Variants in NAALADL2 observed in about 807,000 individuals in gnomAD.
NAALADL2 encodes the protein N-acetylated alpha-linked acidic dipeptidase like 2.
Under a neutral mutation model 87.2 loss-of-function variants are expected in NAALADL2, and 76 were observed. The ratio of observed to expected loss-of-function variants is 0.87; its 90% CI spans 0.72 to 1.05. The LOEUF is 1.05. NAALADL2 is among the 50% of genes least tolerant of loss of function. The pLI is 0.00. For missense variants in NAALADL2, 1,089 were observed against 945.8 expected, an observed-to-expected ratio of 1.15 and a Z score of -1.99; for synonymous variants, 354 against 331.0, an observed-to-expected ratio of 1.07 and a Z score of -0.75.
intron 1 of NAALADL2, among the ~76,000 whole-genome samples, chr3:175,048,686 A>C (rs575111321): frequency 3.9e-5 from 6 of 152,270 alleles, no homozygotes; most frequent in African/African-American, 1.2e-4. Context: ...AATATCTTAA[A>C]ATATATTTAC....
chr3:175,690,255 G>C (rs1254026107), intron 11 of NAALADL2, among the ~76,000 whole-genome samples: 1 of 152,014 alleles, frequency 6.6e-6, no homozygotes, highest in East Asian at 1.9e-4. Context: ...GGACTAGTGT[G>C]CCTTTAGAGA....
chr3:175,512,588 C>T (rs757060955), intron 9 of NAALADL2, among the ~76,000 whole-genome samples: 12 of 152,056 alleles, frequency 7.9e-5, no homozygotes, highest in South Asian at 4.2e-4. Flanking sequence ...TGCTTTTCCA[C>T]GATTATTTTT....
At chr3:175,735,537 A>G (rs1356841729) in intron 11 of NAALADL2, among the ~76,000 whole-genome samples, 1 of 152,228 alleles carries the variant, frequency 6.6e-6, no homozygotes, top group African/African-American at 2.4e-5. Context: ...ACAGTTTCAC[A>G]TGGCTGGGGA....
intron 5 of NAALADL2, among the ~76,000 whole-genome samples, chr3:175,334,283 T>G (rs1444493125): frequency 6.6e-6 from 1 of 152,020 alleles, no homozygotes; most frequent in South Asian, 2.1e-4. Flanking sequence ...GACAGACAGA[T>G]AGTAGAGGTA....
intron 9 of NAALADL2, among the ~76,000 whole-genome samples, chr3:175,553,721 G>T (rs1258848028): frequency 2.0e-5 from 3 of 149,936 alleles, no homozygotes; most frequent in Non-Finnish European, 3.0e-5. Flanking sequence ...CACCAAATTA[G>T]GTATTTTATA....
At chr3:174,825,292 C>T (rs1227600735) in intron 3 of NAALADL2, among the ~76,000 whole-genome samples, 1 of 150,418 alleles carries the variant, frequency 6.6e-6, no homozygotes, top group Non-Finnish European at 1.5e-5. Flanking sequence ...AATTCCCAGT[C>T]CAAGGCCTAA....
At chr3:175,370,391 A>G (rs1399362106) in intron 5 of NAALADL2, among the ~76,000 whole-genome samples, 1 of 152,194 alleles carries the variant, frequency 6.6e-6, no homozygotes, top group Non-Finnish European at 1.5e-5. Flanking sequence ...TGTGAACCAT[A>G]AAACCCCATA....
Position 175,592,321 on chromosome 3 carries a change from T to C in NAALADL2, c.1800+16134T>C, listed in dbSNP as rs1036835863. ...CTTTTTCTTTTCTTTTTTTTTTTTT[T>C]TTTGTCAGCTACTCTATTGCTGAGT... On this transcript the variant is annotated intron_variant, in intron 10 of 13. Transcript: ENST00000454872. Among the ~76,000 whole-genome samples the C allele has an allele frequency of 4.4e-4, 62 of 141,200 alleles. 1 individual carries two copies. In the East Asian group the frequency reaches 0.011, roughly 24 times the overall value. The allele number at this position is 141,200 out of a possible 152,430, so 92.6% of individuals were successfully genotyped here. A position where few individuals can be genotyped will look rare whatever the true frequency, so the allele number is the denominator to read the frequency against.
At chr3:174,673,730 T>A (rs1291587679) in intron 2 of NAALADL2, among the ~76,000 whole-genome samples, 3 of 152,016 alleles carry the variant, frequency 2.0e-5, no homozygotes, top group Non-Finnish European at 2.9e-5. Flanking sequence ...AGTTACAGCA[T>A]TGGCTAGCAC....
intron 1 of NAALADL2, among the ~76,000 whole-genome samples, chr3:174,441,513 G>C (rs959565142): frequency 6.6e-6 from 1 of 152,084 alleles, no homozygotes; most frequent in Non-Finnish European, 1.5e-5. Context: ...GAAATGGCGC[G>C]CAGCACAGTT....
intron 10 of NAALADL2, among the ~76,000 whole-genome samples, chr3:175,611,073 C>T (rs1419414174): frequency 6.6e-6 from 1 of 151,944 alleles, no homozygotes; most frequent in Non-Finnish European, 1.5e-5. Context: ...AGAATTTAAA[C>T]CCAGGCCCCA....
At chr3:175,354,702 C>G (rs1248065100) in intron 5 of NAALADL2, among the ~76,000 whole-genome samples, 2 of 151,674 alleles carry the variant, frequency 1.3e-5, no homozygotes, top group Non-Finnish European at 2.9e-5. Flanking sequence ...GAGTGCAGTG[C>G]CGATTCACAG....
chr3:174,945,483 A>T (rs1739274625), intron 1 of NAALADL2, among the ~76,000 whole-genome samples: 1 of 152,294 alleles, frequency 6.6e-6, no homozygotes, highest in South Asian at 2.1e-4. Context: ...CAGCAAAATG[A>T]GTTATAGCAC....
chr3:175,211,463 A>G (rs1741752732), intron 2 of NAALADL2, among the ~76,000 whole-genome samples: 1 of 151,960 alleles, frequency 6.6e-6, no homozygotes, highest in Non-Finnish European at 1.5e-5. Context: ...TAGAGAAAAT[A>G]TATTTGTCTT....
At chr3:174,777,772 A>C (rs1715397210) in intron 3 of NAALADL2, among the ~76,000 whole-genome samples, 1 of 152,132 alleles carries the variant, frequency 6.6e-6, no homozygotes. Flanking sequence ...CAAGGAGCTT[A>C]GTTCATCTAC....
At chr3:174,878,768 G>A (rs1268697238) in intron 1 of NAALADL2, among the ~76,000 whole-genome samples, 1 of 151,830 alleles carries the variant, frequency 6.6e-6, no homozygotes, top group Non-Finnish European at 1.5e-5. Flanking sequence ...CATCATATTT[G>A]ACATCTGACT....
chr3:175,158,371 C>A (rs1732630539), intron 2 of NAALADL2, among the ~76,000 whole-genome samples: 1 of 152,012 alleles, frequency 6.6e-6, no homozygotes, highest in South Asian at 2.1e-4. Context: ...ACGAATGTTA[C>A]ACTATTTTGA....
At chr3:175,431,956 C>A (rs1717828368) in intron 5 of NAALADL2, among the ~76,000 whole-genome samples, 1 of 151,872 alleles carries the variant, frequency 6.6e-6, no homozygotes, top group South Asian at 2.1e-4. Flanking sequence ...TCTCCTTTCC[C>A]AGACTTTTCA....
intron 1 of NAALADL2, among the ~76,000 whole-genome samples, chr3:174,972,326 A>C (rs1190294189): frequency 6.6e-6 from 1 of 152,210 alleles, no homozygotes; most frequent in African/African-American, 2.4e-5. Context: ...GCCATAACAA[A>C]AACCATTGAC....
Sources: gnomAD v4.1 joint callset for allele counts (sites outside exome capture counted in the v4.1 genomes callset) on GRCh38, gnomAD v4.1.1 for gene constraint, MANE v1.5 for transcripts, NCBI Gene and HGNC (gene_info 2026-07-23, HGNC 2026-07-21) for gene names.